The following MMS22L variants were observed in gnomAD, a reference collection of about 807,000 sequenced individuals.
MMS22L encodes MMS22 like, DNA repair protein, also known as protein MMS22-like.
In MMS22L, 74 loss-of-function variants were observed where a neutral mutation model predicts 159.1. The ratio of observed to expected loss-of-function variants is 0.47; its 90% CI spans 0.39 to 0.56. MMS22L has a LOEUF of 0.56. MMS22L is among the 20% of genes least tolerant of loss of function. The pLI, the probability that MMS22L is intolerant of heterozygous loss-of-function variation, is 0.00. For missense variants in MMS22L, 1,351 were observed against 1,422.1 expected (o/e 0.95, Z 0.80); for synonymous variants, 517 against 506.9 (o/e 1.02, Z -0.27).
intron 21 of MMS22L, 90 bp downstream of exon 21, chr6:97,165,156 G>A: frequency 9.2e-7 from 1 of 1,092,346 alleles, no homozygotes; most frequent in Middle Eastern, 2.9e-4. Flanking sequence ...AGTATCCTAA[G>A]GGTTGCCAAT....
chr6:97,248,133 G>A (rs1562503800), intron 10 of MMS22L, among the ~76,000 whole-genome samples: 1 of 152,212 alleles, frequency 6.6e-6, no homozygotes, highest in Non-Finnish European at 1.5e-5. Flanking sequence ...TAGGTTACAA[G>A]ACACTGAAGC....
intron 14 of MMS22L, among the ~76,000 whole-genome samples, chr6:97,191,099 G>A (rs1014339922): frequency 1.3e-5 from 2 of 151,950 alleles, no homozygotes; most frequent in African/African-American, 2.4e-5. Flanking sequence ...TTCTTGCTTT[G>A]ATTTCATGTT....
intron 11 of MMS22L, 63 bp downstream of exon 11, chr6:97,246,565 A>G: frequency 7.2e-7 from 1 of 1,380,510 alleles, no homozygotes. Flanking sequence ...TTGGTTTTAA[A>G]AATAAAATTT....
intron 14 of MMS22L, among the ~76,000 whole-genome samples, chr6:97,222,869 C>A (rs1286221552): frequency 6.6e-6 from 1 of 152,052 alleles, no homozygotes; most frequent in East Asian, 1.9e-4. Flanking sequence ...TAAAGGAAAG[C>A]TTTTGGCTAC....
Position 97,263,394 on chromosome 6 carries a change from C to A in MMS22L, c.883G>T (p.Glu295Ter). The change falls in exon 9 of 25, where the codon GAA (glutamate) becomes TAA (stop). Residue 295 changes from glutamate (E) to a stop codon, truncating the protein, a stop_gained. Transcript: ENST00000683635. LOFTEE classifies it high-confidence loss of function. The stretch of plus-strand genomic sequence containing the variant: ...AGATGAATAAGTAGAACCCATAATT[C>A]TTTAATGCATAAACATGGACACTGG... ...SDQCPCLCIK[E>*]LWVLLIHLLD... 1 of 1,593,574 alleles carries A rather than the reference C, an allele frequency of 6.3e-7. No homozygotes were observed. The highest frequency in any genetic ancestry group is 8.5e-7 in the Non-Finnish European group (1 of 1,173,602).
At chr6:97,153,110 G>A (rs1038832785) in intron 22 of MMS22L, among the ~76,000 whole-genome samples, 1 of 151,812 alleles carries the variant, frequency 6.6e-6, no homozygotes, top group African/African-American at 2.4e-5. Context: ...CCAAAGCACT[G>A]GGATTACATG....
At chr6:97,227,162 T>C (rs1055663543) in intron 14 of MMS22L, among the ~76,000 whole-genome samples, 1 of 118,004 alleles carries the variant, frequency 8.5e-6, no homozygotes, top group African/African-American at 2.8e-5. Flanking sequence ...ACTTGTAGGA[T>C]ACGAACCTAT....
chr6:97,234,465 A>C (rs975118894), intron 11 of MMS22L, among the ~76,000 whole-genome samples: 16 of 152,174 alleles, frequency 1.1e-4, no homozygotes, highest in African/African-American at 3.1e-4. Flanking sequence ...AGATAACAGG[A>C]GGAAAAGGAA....
chr6:97,258,102 C>T (rs538323686), intron 9 of MMS22L, among the ~76,000 whole-genome samples: 1 of 152,242 alleles, frequency 6.6e-6, no homozygotes, highest in South Asian at 2.1e-4. Context: ...AGATTACAAT[C>T]CCTTACTATT....
At chr6:97,215,119 T>A (rs903569390) in intron 14 of MMS22L, among the ~76,000 whole-genome samples, 11 of 146,576 alleles carry the variant, frequency 7.5e-5, no homozygotes, top group Admixed American at 3.4e-4. Flanking sequence ...TATATATTTT[T>A]TTTTTGCATT....
chr6:97,193,327 T>G (rs553701402), intron 14 of MMS22L, among the ~76,000 whole-genome samples: 42 of 152,292 alleles, frequency 2.8e-4, no homozygotes, highest in Non-Finnish European at 4.1e-4. Context: ...AATAATGCTG[T>G]CTTACATACA....
rs112112106 is a variant in MMS22L, at chr6:97,180,130, C to G, written c.2385-571G>C. Reference sequence around the variant, plus strand: ...TTCTCTTTTTTTTTTGAGACGGAGTCTCGCTCTGTTGCCCAGGCTGGAGTG... The same window carrying G: ...TTCTCTTTTTTTTTTGAGACGGAGTGTCGCTCTGTTGCCCAGGCTGGAGTG... On this transcript the variant is annotated intron_variant, in intron 16 of 24. Coordinates refer to ENST00000683635, the MANE Select transcript of MMS22L (RefSeq NM_001350599.2). 2.0e-3 allele frequency among the ~76,000 whole-genome samples: 303 copies of G among 151,130 alleles called. 1 individual carries two copies. The highest frequency in any genetic ancestry group is 3.5e-3 in the Non-Finnish European group (236 of 67,880).
chr6:97,241,295 T>G (rs1812041908), intron 11 of MMS22L, among the ~76,000 whole-genome samples: 1 of 152,226 alleles, frequency 6.6e-6, no homozygotes, highest in African/African-American at 2.4e-5. Flanking sequence ...TCATAATGCT[T>G]CTTTTCATCT....
intron 15 of MMS22L, among the ~76,000 whole-genome samples, chr6:97,183,809 C>G (rs929600854): frequency 3.9e-5 from 6 of 152,146 alleles, no homozygotes; most frequent in Non-Finnish European, 8.8e-5. Context: ...ACAAAAGTGA[C>G]TTTGTTTGTA....
intron 14 of MMS22L, among the ~76,000 whole-genome samples, chr6:97,215,114 A>ATATATATATATATATATATATATTTTTTT (rs1209431095): frequency 1.1e-5 from 1 of 87,190 alleles, no homozygotes; most frequent in African/African-American, 3.5e-5. Context: ...ATATATATAT[A>ATATATATATATATATATATATATTTTTTT]TTTTTTTTTT....
At chr6:97,214,184 G>T (rs774004266) in intron 14 of MMS22L, among the ~76,000 whole-genome samples, 12 of 152,068 alleles carry the variant, frequency 7.9e-5, no homozygotes, top group Non-Finnish European at 1.5e-4. Flanking sequence ...TACCCTTGAG[G>T]TTATGCAGCA....
intron 10 of MMS22L, 73 bp downstream of exon 10, chr6:97,254,480 CACTT>C (rs752892413): frequency 5.5e-5 from 65 of 1,175,454 alleles, no homozygotes; most frequent in Non-Finnish European, 7.6e-5. Flanking sequence ...TGTTTCTGCT[CACTT>C]ATTTTCTAAT....
chr6:97,174,764 T>C (rs1201356466), intron 18 of MMS22L, among the ~76,000 whole-genome samples: 1 of 152,138 alleles, frequency 6.6e-6, no homozygotes, highest in African/African-American at 2.4e-5. Context: ...CTTCTTTCAC[T>C]GAAAGACTGA....
chr6:97,265,943 A>G (rs1365923206), intron 8 of MMS22L: 2 of 152,132 alleles, frequency 1.3e-5, no homozygotes, highest in African/African-American at 4.8e-5. Flanking sequence ...GATGGTCTCG[A>G]TCTCCTGACC....
Sources: allele counts gnomAD v4.1 joint callset (sites outside exome capture counted in the v4.1 genomes callset), GRCh38; gene constraint gnomAD v4.1.1; transcripts MANE v1.5; gene names NCBI Gene and HGNC (gene_info 2026-07-23, HGNC 2026-07-21).